Variants in TMEM178B observed in about 807,000 individuals in gnomAD.
TMEM178B encodes the protein transmembrane protein 178B.
In TMEM178B, 5 loss-of-function variants were observed where a neutral mutation model predicts 31.0. The ratio of observed to expected loss-of-function variants is 0.16; its 90% CI spans 0.08 to 0.34. The LOEUF (loss-of-function observed/expected upper bound fraction) is 0.34. Ranked by LOEUF, TMEM178B falls within the 10% of genes least tolerant of loss-of-function variation. The pLI, the probability that TMEM178B is intolerant of heterozygous loss-of-function variation, is 1.00. For synonymous variants in TMEM178B, 164 were observed against 164.0 expected (o/e 1.00, Z 0.00); for missense variants, 275 against 400.3 (o/e 0.69, Z 2.67).
Position 141,387,971 on chromosome 7 carries a change from T to TA in TMEM178B, c.497-49636dup, listed in dbSNP as rs1800465228. Among the ~76,000 whole-genome samples the TA allele has an allele frequency of 3.3e-5, 5 of 152,344 alleles. No individual in the cohort carries two copies. In the South Asian group the frequency reaches 1.0e-3, roughly 32 times the overall value. On this transcript the variant is annotated intron_variant, in intron 2 of 3. Coordinates refer to ENST00000565468, the MANE Select transcript of TMEM178B (RefSeq NM_001195278.2). ...GCACTGAAACCTGCCTTCGTCCACT[T>TA]ACCTGCTGTCACCTGCTCTGGCTGC...
intron 1 of TMEM178B, among the ~76,000 whole-genome samples, chr7:141,189,950 TG>T (rs1219431743): frequency 1.3e-5 from 2 of 152,214 alleles, no homozygotes; most frequent in African/African-American, 4.8e-5. Flanking sequence ...CACATCATCC[TG>T]GGCAGAGCTG....
At chr7:141,383,839 G>T (rs1029915471) in intron 2 of TMEM178B, among the ~76,000 whole-genome samples, 12 of 152,182 alleles carry the variant, frequency 7.9e-5, no homozygotes, top group African/African-American at 2.9e-4. Flanking sequence ...CATCAACAGA[G>T]TAAAAGTGTT....
At chr7:141,195,366 A>T (rs1397335408) in intron 1 of TMEM178B, among the ~76,000 whole-genome samples, 1 of 152,194 alleles carries the variant, frequency 6.6e-6, no homozygotes. Context: ...ACCCTAAGTT[A>T]TCTTTCTCAA....
intron 2 of TMEM178B, among the ~76,000 whole-genome samples, chr7:141,245,007 T>C (rs1451920157): frequency 6.7e-6 from 1 of 149,888 alleles, no homozygotes; most frequent in Non-Finnish European, 1.5e-5. Flanking sequence ...CATGGTGGCG[T>C]GTGCCTGTAA....
At chr7:141,109,726 G>T (rs1795204496) in intron 1 of TMEM178B, among the ~76,000 whole-genome samples, 1 of 152,192 alleles carries the variant, frequency 6.6e-6, no homozygotes, top group South Asian at 2.1e-4. Flanking sequence ...TTTGGGAGAA[G>T]CCTGTGGCAG....
chr7:141,094,149 G>A, intron 1 of TMEM178B, among the ~76,000 whole-genome samples: 1 of 152,248 alleles, frequency 6.6e-6, no homozygotes, highest in East Asian at 1.9e-4. Context: ...GCAACTGCTG[G>A]ATAGGGTTGA....
chr7:141,337,546 A>G (rs1412922254), intron 2 of TMEM178B, among the ~76,000 whole-genome samples: 3 of 152,200 alleles, frequency 2.0e-5, no homozygotes, highest in Non-Finnish European at 4.4e-5. Context: ...CTTATGGTAT[A>G]GATGATAAGT....
the TMEM178B span, among the ~76,000 whole-genome samples, chr7:141,509,780 C>T: frequency 2.6e-5 from 4 of 152,230 alleles, no homozygotes; most frequent in Non-Finnish European, 4.4e-5. Flanking sequence ...GAACCATTTT[C>T]CTGGTCTACC....
At chr7:141,276,646 G>A (rs191726156) in intron 2 of TMEM178B, among the ~76,000 whole-genome samples, 2 of 152,212 alleles carry the variant, frequency 1.3e-5, no homozygotes, top group East Asian at 1.9e-4. Context: ...CCCATGACAC[G>A]TGGGGATCAT....
chr7:141,485,394 T>A, the TMEM178B span, among the ~76,000 whole-genome samples: 1 of 152,216 alleles, frequency 6.6e-6, no homozygotes, highest in African/African-American at 2.4e-5. Flanking sequence ...GGGCAAGATA[T>A]TTAGCCTCTG....
At position 141,108,115 on chromosome 7, in the gene TMEM178B, A is replaced by G. The variant is rs557169108; in HGVS notation, c.382+33423A>G. Among the ~76,000 whole-genome samples, 7 of 152,314 alleles carry G rather than the reference A, an allele frequency of 4.6e-5. No individual in the cohort carries two copies. In the East Asian group the frequency reaches 1.3e-3, roughly 29 times the overall value. ...TGGAGGAGTAAAAGCCTGATTGGAC[A>G]AGGTTCATGAGAAGATGGAAGGAGA... On this transcript the variant is annotated intron_variant, in intron 1 of 3. Transcript: ENST00000565468.
At chr7:141,400,109 A>G (rs984403882) in intron 2 of TMEM178B, among the ~76,000 whole-genome samples, 1 of 152,188 alleles carries the variant, frequency 6.6e-6, no homozygotes. Context: ...TCCAAGTGCT[A>G]TGGGTCGTCA....
intron 2 of TMEM178B, among the ~76,000 whole-genome samples, chr7:141,277,869 G>C (rs1451642176): frequency 6.6e-6 from 1 of 152,138 alleles, no homozygotes; most frequent in Non-Finnish European, 1.5e-5. Context: ...AATATCTGCT[G>C]AATGTTACCA....
intron 2 of TMEM178B, among the ~76,000 whole-genome samples, chr7:141,425,313 C>G (rs1246565175): frequency 6.6e-6 from 1 of 152,148 alleles, no homozygotes; most frequent in Non-Finnish European, 1.5e-5. Flanking sequence ...TTGTAGTAAC[C>G]CTCTGGTGGA....
At chr7:141,372,808 A>G (rs1010101820) in intron 2 of TMEM178B, among the ~76,000 whole-genome samples, 2 of 152,234 alleles carry the variant, frequency 1.3e-5, no homozygotes, top group African/African-American at 4.8e-5. Context: ...CTTGGTGATT[A>G]GAGTTACTAT....
intron 2 of TMEM178B, among the ~76,000 whole-genome samples, chr7:141,434,850 C>G (rs757945219): frequency 6.6e-6 from 1 of 152,166 alleles, no homozygotes; most frequent in Non-Finnish European, 1.5e-5. Context: ...TGAGTGAGAA[C>G]ATGCAATATT....
intron 2 of TMEM178B, among the ~76,000 whole-genome samples, chr7:141,377,431 C>T (rs1032800467): frequency 6.6e-6 from 1 of 151,960 alleles, no homozygotes; most frequent in African/African-American, 2.4e-5. Flanking sequence ...GATCTGCCTG[C>T]CTCGGCCTCC....
intron 2 of TMEM178B, among the ~76,000 whole-genome samples, chr7:141,408,946 A>C (rs781088272): frequency 6.6e-6 from 1 of 152,174 alleles, no homozygotes; most frequent in African/African-American, 2.4e-5. Flanking sequence ...TCTGACTGTC[A>C]TGAAAGGTGT....
intron 1 of TMEM178B, among the ~76,000 whole-genome samples, chr7:141,088,621 C>CA (rs1481572874): frequency 1.3e-5 from 2 of 152,168 alleles, no homozygotes; most frequent in African/African-American, 4.8e-5. Context: ...CCACTAGGAT[C>CA]ACCCATGGGT....
Sources: allele counts gnomAD v4.1 joint callset (sites outside exome capture counted in the v4.1 genomes callset), GRCh38; gene constraint gnomAD v4.1.1; transcripts MANE v1.5; gene names NCBI Gene and HGNC (gene_info 2026-07-23, HGNC 2026-07-21).